Variants in DLGAP1 observed in about 807,000 individuals in gnomAD.
DLGAP1 encodes DLG associated protein 1.
A neutral mutation model predicts 90.8 loss-of-function variants in DLGAP1; 11 were observed. The observed-to-expected ratio is 0.12, with a 90% CI of 0.08 to 0.20. The LOEUF is 0.20. Ranked by LOEUF, DLGAP1 falls within the 10% of genes least tolerant of loss-of-function variation. DLGAP1 has a pLI of 1.00. For missense variants in DLGAP1, 1,050 were observed against 1,333.8 expected, an observed-to-expected ratio of 0.79 and a Z score of 3.31; for synonymous variants, 558 against 540.7, an observed-to-expected ratio of 1.03 and a Z score of -0.44.
chr18:4,416,923 A>C (rs2082913526), intron 1 of DLGAP1, among the ~76,000 whole-genome samples: 1 of 152,114 alleles, frequency 6.6e-6, no homozygotes, highest in African/African-American at 2.4e-5. Flanking sequence ...ACAAAACTAA[A>C]CTGAACTTTC....
intron 1 of DLGAP1, among the ~76,000 whole-genome samples, chr18:4,349,819 T>C (rs2081370604): frequency 6.6e-6 from 1 of 152,146 alleles, no homozygotes; most frequent in African/African-American, 2.4e-5. Flanking sequence ...TGGATGATAA[T>C]GCACTGTATC....
chr18:3,576,170 G>A (rs1373901893), intron 8 of DLGAP1, among the ~76,000 whole-genome samples: 1 of 152,090 alleles, frequency 6.6e-6, no homozygotes, highest in Non-Finnish European at 1.5e-5. Context: ...ACAAAGGAAG[G>A]TGGAAGAAGA....
chr18:3,645,211 G>C (rs767565818), intron 7 of DLGAP1, among the ~76,000 whole-genome samples: 1 of 152,122 alleles, frequency 6.6e-6, no homozygotes, highest in Non-Finnish European at 1.5e-5. Flanking sequence ...GATCACCTGA[G>C]CCTCCCGAGT....
At chr18:3,986,968 G>A (rs1016590922) in intron 3 of DLGAP1, among the ~76,000 whole-genome samples, 7 of 152,282 alleles carry the variant, frequency 4.6e-5, no homozygotes, top group Non-Finnish European at 1.0e-4. Flanking sequence ...GACACAGGAC[G>A]AGGCTCTGAC....
intron 1 of DLGAP1, among the ~76,000 whole-genome samples, chr18:4,202,683 A>T (rs749784254): frequency 2.0e-5 from 3 of 152,262 alleles, no homozygotes; most frequent in Non-Finnish European, 2.9e-5. Context: ...TAATGTCAGC[A>T]ACTATTCACT....
intron 1 of DLGAP1, among the ~76,000 whole-genome samples, chr18:4,438,714 C>T (rs1248274500): frequency 1.3e-5 from 2 of 152,088 alleles, no homozygotes; most frequent in Non-Finnish European, 2.9e-5. Flanking sequence ...TGACAGGCAT[C>T]CTAGCATTTT....
intron 1 of DLGAP1, among the ~76,000 whole-genome samples, chr18:4,169,865 G>T (rs1598531956): frequency 6.6e-6 from 1 of 152,146 alleles, no homozygotes; most frequent in Admixed American, 6.6e-5. Context: ...CATGAGCTTA[G>T]GAATCAGAGC....
chr18:4,269,407 G>A (rs1598769874), intron 1 of DLGAP1, among the ~76,000 whole-genome samples: 1 of 147,522 alleles, frequency 6.8e-6, no homozygotes, highest in African/African-American at 2.5e-5. Context: ...AGGCTGGAGT[G>A]CAGTGGCGCG....
intron 7 of DLGAP1, among the ~76,000 whole-genome samples, chr18:3,716,574 C>A (rs959201353): frequency 6.6e-6 from 1 of 152,066 alleles, no homozygotes; most frequent in Non-Finnish European, 1.5e-5. Flanking sequence ...GAAACATGCA[C>A]ACCTCAGAAC....
intron 1 of DLGAP1, among the ~76,000 whole-genome samples, chr18:4,302,496 T>C (rs1326084697): frequency 6.7e-6 from 1 of 149,912 alleles, no homozygotes; most frequent in Non-Finnish European, 1.5e-5. Context: ...CATTGGTCAA[T>C]GTGTGTATTT....
intron 1 of DLGAP1, among the ~76,000 whole-genome samples, chr18:4,236,602 T>C (rs1433651471): frequency 6.6e-6 from 1 of 152,170 alleles, no homozygotes; most frequent in Non-Finnish European, 1.5e-5. Flanking sequence ...TCTTTAAGTT[T>C]TATAAATATT....
chr18:4,092,249 C>T (rs750126552), intron 2 of DLGAP1, among the ~76,000 whole-genome samples: 1 of 152,192 alleles, frequency 6.6e-6, no homozygotes, highest in Non-Finnish European at 1.5e-5. Flanking sequence ...TCCTTGCTCT[C>T]CCCACTCAGA....
chr18:4,175,717 C>A (rs867291110), intron 1 of DLGAP1, among the ~76,000 whole-genome samples: 1 of 152,022 alleles, frequency 6.6e-6, no homozygotes, highest in African/African-American at 2.4e-5. Context: ...TGTCAAAGAC[C>A]GGATGTTTAT....
intron 1 of DLGAP1, among the ~76,000 whole-genome samples, chr18:4,304,309 C>CT (rs1239143725): frequency 6.6e-5 from 10 of 152,156 alleles, no homozygotes; most frequent in South Asian, 2.1e-4. Context: ...GTTATGTATA[C>CT]TAAACCAAAA....
intron 3 of DLGAP1, among the ~76,000 whole-genome samples, chr18:3,944,444 G>A (rs1440971752): frequency 2.0e-5 from 3 of 152,172 alleles, no homozygotes; most frequent in Admixed American, 6.5e-5. Flanking sequence ...GGAGGTTGCA[G>A]TGAGCTGAGA....
At chr18:3,929,208 C>G (rs1306651138) in intron 3 of DLGAP1, among the ~76,000 whole-genome samples, 1 of 152,158 alleles carries the variant, frequency 6.6e-6, no homozygotes, top group Non-Finnish European at 1.5e-5. Context: ...TCTGTAATTT[C>G]ATTTTTAGAT....
At chr18:4,348,162 T>C (rs1009636102) in intron 1 of DLGAP1, among the ~76,000 whole-genome samples, 2 of 152,086 alleles carry the variant, frequency 1.3e-5, no homozygotes, top group Non-Finnish European at 2.9e-5. Flanking sequence ...TAAAGGTTTG[T>C]TTTTCAGAGT....
At chr18:3,719,064 A>G (rs2147315706) in intron 7 of DLGAP1, among the ~76,000 whole-genome samples, 1 of 152,288 alleles carries the variant, frequency 6.6e-6, no homozygotes, top group East Asian at 1.9e-4. Flanking sequence ...AGCAGAAAGT[A>G]TAACATTGTG....
chr18:3,937,261 A>G (rs554898156), intron 3 of DLGAP1, among the ~76,000 whole-genome samples: 21 of 152,310 alleles, frequency 1.4e-4, no homozygotes, highest in African/African-American at 5.1e-4. Context: ...AGAATGGGTA[A>G]TTTGTAAAGG....
Sources: gnomAD v4.1 joint callset for allele counts (sites outside exome capture counted in the v4.1 genomes callset) on GRCh38, gnomAD v4.1.1 for gene constraint, MANE v1.5 for transcripts, NCBI Gene and HGNC (gene_info 2026-07-23, HGNC 2026-07-21) for gene names.